The following ERC2 variants were observed in gnomAD, a reference collection of about 807,000 sequenced individuals.
ERC2 encodes ERC protein 2.
Under a neutral mutation model 114.8 loss-of-function variants are expected in ERC2, and 42 were observed. The observed-to-expected ratio is 0.37, with a 90% CI of 0.29 to 0.47. The LOEUF (loss-of-function observed/expected upper bound fraction) is 0.47. Among genes scored for constraint, ERC2 ranks in the 20% least tolerant of loss-of-function variants. ERC2 has a pLI of 0.99. For synonymous variants in ERC2, 454 were observed against 425.5 expected (o/e 1.07, Z -0.82); for missense variants, 939 against 1,150.7 (o/e 0.82, Z 2.66).
At chr3:56,224,646 G>A (rs879561704) in intron 3 of ERC2, among the ~76,000 whole-genome samples, 2 of 152,018 alleles carry the variant, frequency 1.3e-5, no homozygotes, top group Non-Finnish European at 2.9e-5. Context: ...ACTGAAACAC[G>A]GGTCAAGGCT....
chr3:56,018,022 C>A (rs2073427752), intron 8 of ERC2, among the ~76,000 whole-genome samples: 1 of 152,084 alleles, frequency 6.6e-6, no homozygotes, highest in Admixed American at 6.6e-5. Flanking sequence ...GATAAATGAA[C>A]AATTAAGAAT....
At chr3:56,174,529 C>T (rs986668507) in intron 3 of ERC2, among the ~76,000 whole-genome samples, 7 of 152,150 alleles carry the variant, frequency 4.6e-5, no homozygotes, top group African/African-American at 1.4e-4. Context: ...TGGGGTAGTT[C>T]TAGACTTTCA....
At chr3:56,422,624 C>T (rs1251435401) in intron 2 of ERC2, among the ~76,000 whole-genome samples, 3 of 152,220 alleles carry the variant, frequency 2.0e-5, no homozygotes, top group Admixed American at 1.3e-4. Flanking sequence ...CAACACATTG[C>T]TTACTCCACT....
At chr3:56,337,083 G>A (rs1300035545) in intron 2 of ERC2, among the ~76,000 whole-genome samples, 1 of 152,134 alleles carries the variant, frequency 6.6e-6, no homozygotes, top group Non-Finnish European at 1.5e-5. Flanking sequence ...AAATACTTGA[G>A]GCAAACTCTC....
intron 7 of ERC2, among the ~76,000 whole-genome samples, chr3:56,065,347 C>T (rs1326432717): frequency 1.3e-5 from 2 of 151,984 alleles, no homozygotes; most frequent in South Asian, 2.1e-4. Flanking sequence ...CTCAGCCTCC[C>T]GAACAGGTGG....
chr3:55,868,112 A>G (rs1245138240), intron 14 of ERC2, among the ~76,000 whole-genome samples: 1 of 152,136 alleles, frequency 6.6e-6, no homozygotes, highest in Non-Finnish European at 1.5e-5. Flanking sequence ...GTTTCTACAT[A>G]TTAAAGAAGA....
intron 3 of ERC2, among the ~76,000 whole-genome samples, chr3:56,233,476 T>C (rs1036718075): frequency 6.6e-6 from 1 of 151,818 alleles, no homozygotes; most frequent in African/African-American, 2.4e-5. Flanking sequence ...CAAAATTAAA[T>C]CTACTAAAAA....
intron 3 of ERC2, among the ~76,000 whole-genome samples, chr3:56,208,053 A>G (rs922195810): frequency 5.9e-5 from 9 of 152,256 alleles, no homozygotes; most frequent in African/African-American, 1.4e-4. Context: ...CTGGCAACAC[A>G]GCAAAGTCGA....
intron 14 of ERC2, among the ~76,000 whole-genome samples, chr3:55,743,748 G>A (rs2066130292): frequency 6.6e-6 from 1 of 152,064 alleles, no homozygotes; most frequent in Admixed American, 6.6e-5. Context: ...TAGTGCTGGG[G>A]CTTTGGAAGC....
intron 3 of ERC2, among the ~76,000 whole-genome samples, chr3:56,260,203 C>G (rs2052821113): frequency 6.6e-6 from 1 of 152,136 alleles, no homozygotes. Context: ...GCGGGGAAAG[C>G]AAGCTCTATG....
intron 14 of ERC2, among the ~76,000 whole-genome samples, chr3:55,735,511 A>G (rs2065576897): frequency 6.6e-6 from 1 of 152,236 alleles, no homozygotes; most frequent in African/African-American, 2.4e-5. Flanking sequence ...GCTTCCTTTT[A>G]TAACAACCTG....
intron 6 of ERC2, among the ~76,000 whole-genome samples, chr3:56,122,465 A>AT (rs1287391653): frequency 2.6e-5 from 4 of 152,166 alleles, no homozygotes; most frequent in East Asian, 3.9e-4. Flanking sequence ...CCTTAAAAAA[A>AT]TTTTTTTTGA....
rs1293292674 is a variant in ERC2 at position 55,536,698 on chromosome 3, C to A, written c.*40-25422G>T. On this transcript the variant is annotated intron_variant, in intron 17 of 17. Transcript: ENST00000288221. ...GCCCCTGCTAAGGGGCTACACTAAACAAACGGGTGTGGGAAATAACTGAAG... is the reference window on the plus strand; with the variant it reads ...GCCCCTGCTAAGGGGCTACACTAAAAAAACGGGTGTGGGAAATAACTGAAG... 2.6e-5 allele frequency among the ~76,000 whole-genome samples: 4 copies of A among 152,190 alleles called. No homozygotes were observed. In the East Asian group the frequency reaches 5.8e-4, roughly 22 times the overall value.
intron 14 of ERC2, among the ~76,000 whole-genome samples, chr3:55,833,430 C>A (rs964305495): frequency 2.6e-5 from 4 of 151,822 alleles, no homozygotes; most frequent in African/African-American, 7.3e-5. Flanking sequence ...ACTCTACAAG[C>A]CAGAAGAGAG....
At chr3:55,746,837 C>T (rs1406368279) in intron 14 of ERC2, among the ~76,000 whole-genome samples, 5 of 152,162 alleles carry the variant, frequency 3.3e-5, no homozygotes, top group Admixed American at 3.3e-4. Flanking sequence ...CCTTGTTGTG[C>T]CTGCCACAGA....
intron 17 of ERC2, among the ~76,000 whole-genome samples, chr3:55,655,078 G>A (rs992506773): frequency 1.4e-4 from 21 of 151,080 alleles, no homozygotes; most frequent in Admixed American, 5.2e-4. Flanking sequence ...GCCGATGACC[G>A]TCAGGAATGA....
chr3:56,233,385 C>G (rs1224989375), intron 3 of ERC2, among the ~76,000 whole-genome samples: 1 of 152,206 alleles, frequency 6.6e-6, no homozygotes, highest in Non-Finnish European at 1.5e-5. Context: ...CTTTGGGAGG[C>G]CAAGGCGGGC....
chr3:55,640,777 AG>A (rs1267082117), intron 17 of ERC2, among the ~76,000 whole-genome samples: 4 of 152,152 alleles, frequency 2.6e-5, no homozygotes, highest in Non-Finnish European at 5.9e-5. Flanking sequence ...CAGTCCCTGC[AG>A]GTCTTCAACA....
At chr3:55,921,940 C>A (rs576656017) in intron 13 of ERC2, among the ~76,000 whole-genome samples, 1 of 152,130 alleles carries the variant, frequency 6.6e-6, no homozygotes, top group South Asian at 2.1e-4. Flanking sequence ...CTCTCTCTAC[C>A]TCTTTGCTCT....
Sources: allele counts gnomAD v4.1 joint callset (sites outside exome capture counted in the v4.1 genomes callset), GRCh38; gene constraint gnomAD v4.1.1; transcripts MANE v1.5; gene names NCBI Gene and HGNC (gene_info 2026-07-23, HGNC 2026-07-21).